The following DAPK1 variants were observed in gnomAD, a reference collection of about 807,000 sequenced individuals.
DAPK1 encodes the protein death associated protein kinase 1, also known as death-associated protein kinase 1.
Under a neutral mutation model 144.9 loss-of-function variants are expected in DAPK1, and 56 were observed. The ratio of observed to expected loss-of-function variants is 0.39; its 90% CI spans 0.31 to 0.48. The LOEUF (loss-of-function observed/expected upper bound fraction) is 0.48, where lower values mean the gene tolerates loss of function less well. DAPK1 is among the 20% of genes least tolerant of loss of function. The pLI, the probability that DAPK1 is intolerant of heterozygous loss-of-function variation, is 0.95. For synonymous variants in DAPK1, 690 were observed against 749.0 expected (o/e 0.92, Z 1.29); for missense variants, 1,454 against 1,875.4 (o/e 0.78, Z 4.15).
intron 20 of DAPK1, among the ~76,000 whole-genome samples, chr9:87,684,497 C>T (rs1474531087): frequency 6.6e-6 from 1 of 152,214 alleles, no homozygotes; most frequent in African/African-American, 2.4e-5. Context: ...TTTCCACTGC[C>T]GTTCTCTTGA....
chr9:87,651,778 T>C (rs947605293), intron 17 of DAPK1, 54 bp downstream of exon 17: 1 of 1,501,624 alleles, frequency 6.7e-7, no homozygotes, highest in African/African-American at 1.4e-5. Flanking sequence ...ATCCACCCGA[T>C]TCTGGGTCCT....
At position 87,646,471 on chromosome 9, in the gene DAPK1, C is replaced by T; in HGVS notation, c.1142C>T (p.Pro381Leu). 1 of 1,613,376 alleles carries T rather than the reference C, an allele frequency of 6.2e-7. No individual in the cohort carries two copies. Reference protein sequence around the residue: ...DVNQPNKHGTPPLLIAAGCGN... With the variant: ...DVNQPNKHGTLPLLIAAGCGN... ...TCTTGCCTATTCTAGCACGGGACAC[C>T]TCCATTACTCATTGCTGCTGGCTGT... is the stretch of plus-strand genomic sequence containing the variant. Residue 381 changes from proline (P) to leucine (L), a missense_variant, in exon 13 of 26, where the codon CCT (proline) becomes CTT (leucine). Physicochemically the swap from Pro to Leu is moderately conservative, Grantham distance 98. Transcript: ENST00000408954.
At chr9:87,588,604 C>T (rs2118868172) in intron 2 of DAPK1, among the ~76,000 whole-genome samples, 1 of 152,324 alleles carries the variant, frequency 6.6e-6, no homozygotes, top group South Asian at 2.1e-4. Context: ...TTTCTCCCAA[C>T]TGTGCATTTC....
intron 3 of DAPK1, among the ~76,000 whole-genome samples, chr9:87,609,173 G>GA (rs1406112023): frequency 6.6e-6 from 1 of 152,190 alleles, no homozygotes; most frequent in Non-Finnish European, 1.5e-5. Flanking sequence ...GACTTAAACT[G>GA]AAGCATCAGC....
intron 3 of DAPK1, chr9:87,632,323 A>G: frequency 1.0e-6 from 1 of 983,654 alleles, no homozygotes; most frequent in Middle Eastern, 5.2e-4. Context: ...ATGAGTATAC[A>G]TGTAGGGACA....
rs556491703 is a variant in DAPK1, at chr9:87,605,057, G to A, written c.166G>A (p.Val56Met). The A allele has an allele frequency of 1.2e-6, 2 of 1,614,232 alleles. No individual in the cohort carries two copies. Among genetic ancestry groups the A allele is most frequent in the South Asian group, 2.2e-5 (2 of 91,088 alleles). The change falls in exon 3 of 26, where the codon GTG becomes ATG. Residue 56 changes from valine (V) to methionine (M), a missense_variant. Transcript: ENST00000408954. ...KRRTKSSRRG[V>M]SREDIEREVS... ...GAGGACTAAGTCCAGCCGGCGGGGT[G>A]TGAGCCGCGAGGACATCGAGCGGGA...
intron 3 of DAPK1, among the ~76,000 whole-genome samples, chr9:87,627,979 C>T (rs1335379932): frequency 7.2e-5 from 11 of 152,184 alleles, no homozygotes; most frequent in Non-Finnish European, 5.9e-5. Flanking sequence ...AACTGTGCCT[C>T]TGAAAGTAAC....
chr9:87,563,889 GC>G (rs1167353308), intron 2 of DAPK1, among the ~76,000 whole-genome samples: 3 of 152,194 alleles, frequency 2.0e-5, no homozygotes, highest in Admixed American at 1.3e-4. Flanking sequence ...GTGTGTTCGT[GC>G]CCAATGGTTG....
chr9:87,498,113 T>C lies in DAPK1; in HGVS notation c.-109+6T>C, dbSNP rs774963358. ...GGGAGCTCCCAGGCGCCCGGGTGAGTAGCCAGGCGCGGCTCCCCGGTCCCC... is the reference window on the plus strand; with the variant it reads ...GGGAGCTCCCAGGCGCCCGGGTGAGCAGCCAGGCGCGGCTCCCCGGTCCCC... On this transcript the variant is annotated splice_donor_region_variant and intron_variant, in intron 1 of 25. Transcript: ENST00000408954. The C allele has an allele frequency of 2.3e-5, 9 of 397,034 alleles. No homozygotes were observed. The highest frequency in any genetic ancestry group is 3.1e-5 in the Non-Finnish European group (7 of 225,476). The allele number at this position is 397,034 out of a possible 1,614,324, so 24.6% of individuals were successfully genotyped here.
At chr9:87,646,386 A>C in intron 12 of DAPK1, 75 bp from the exon 13 acceptor site, 1 of 1,066,124 alleles carries the variant, frequency 9.4e-7, no homozygotes, top group Non-Finnish European at 1.5e-6. Context: ...GGTGTGTGGT[A>C]ACAGCAATCA....
At chr9:87,698,110 G>C (rs954504562) in intron 22 of DAPK1, among the ~76,000 whole-genome samples, 8 of 152,254 alleles carry the variant, frequency 5.3e-5, no homozygotes, top group Non-Finnish European at 5.9e-5. Context: ...ATACTCAGCA[G>C]TCAATTTTTT....
rs1824885701 is a variant in DAPK1, at chr9:87,686,944, C to T, written c.2413+205C>T. Reference sequence around the variant, plus strand: ...AAATTAAACACTGGGGTATTGTCAGCGCCTAGTAAAGCACTTGGCATACAG... The same window carrying T: ...AAATTAAACACTGGGGTATTGTCAGTGCCTAGTAAAGCACTTGGCATACAG... On this transcript the variant is annotated intron_variant, in intron 21 of 25. Transcript: ENST00000408954. This position sits in a 1 kb window ranked among gnomAD's most constrained non-coding sequence, Gnocchi z 4.2. The T allele has an allele frequency of 6.6e-6, 5 of 756,400 alleles. No homozygotes were observed. Among genetic ancestry groups the T allele is most frequent in the African/African-American group, 1.9e-5 (1 of 52,574 alleles). 46.9% of individuals were successfully genotyped at this position (756,400 alleles called of 1,614,324 possible).
At chr9:87,705,333 C>CT (rs1267323831) in intron 25 of DAPK1, among the ~76,000 whole-genome samples, 1 of 151,006 alleles carries the variant, frequency 6.6e-6, no homozygotes, top group African/African-American at 2.4e-5. Context: ...CCTCCGCCTC[C>CT]TGGGTTCAAG....
intron 2 of DAPK1, among the ~76,000 whole-genome samples, chr9:87,530,870 G>T (rs570682714): frequency 6.6e-6 from 1 of 151,814 alleles, no homozygotes; most frequent in African/African-American, 2.4e-5. Flanking sequence ...GTAGTCACTG[G>T]GGCCAGACCA....
Position 87,686,455 on chromosome 9 carries a change from C to T in DAPK1, c.2225-96C>T, listed in dbSNP as rs1049614210. On this transcript the variant is annotated intron_variant, in intron 20 of 25. Coordinates refer to ENST00000408954, the MANE Select transcript of DAPK1 (RefSeq NM_004938.4). The surrounding 1 kb of genome is among the most constrained non-coding windows in gnomAD (Gnocchi z 4.2). ...GCCAGAGTTGGGGTGGGGACAGAGG[C>T]GTGCTCCAGAAAAGGAAACCTCAGG... is the stretch of plus-strand genomic sequence containing the variant. 6 of 688,926 alleles carry T rather than the reference C, an allele frequency of 8.7e-6. No homozygotes were observed. Among genetic ancestry groups the T allele is most frequent in the Admixed American group, 4.3e-5 (2 of 46,914 alleles). The allele number at this position is 688,926 out of a possible 1,614,324, so 42.7% of individuals were successfully genotyped here.
At chr9:87,586,605 C>T (rs1827949160) in intron 2 of DAPK1, among the ~76,000 whole-genome samples, 1 of 151,560 alleles carries the variant, frequency 6.6e-6, no homozygotes, top group South Asian at 2.1e-4. Flanking sequence ...ATCAAGTCAA[C>T]TTTAAGATAA....
At position 87,570,508 on chromosome 9, in the gene DAPK1, T is replaced by C. The variant is rs36203584; in HGVS notation, c.63-34446T>C. Among the ~76,000 whole-genome samples the C allele has an allele frequency of 2.9e-3, 445 of 152,332 alleles. 4 individuals carry two copies. The highest frequency in any genetic ancestry group is 0.01 in the African/African-American group (425 of 41,558). ...CAGGTTGGGACAGGAGCTTTCCCAT[T>C]CTTTTCATTATTTTGTATGTAAAAA... On this transcript the variant is annotated intron_variant, in intron 2 of 25. Coordinates refer to ENST00000408954, the MANE Select transcript of DAPK1 (RefSeq NM_004938.4).
intron 2 of DAPK1, among the ~76,000 whole-genome samples, chr9:87,582,516 G>T (rs1214391481): frequency 6.6e-6 from 1 of 150,412 alleles, no homozygotes; most frequent in East Asian, 1.9e-4. Flanking sequence ...TGGCCATGAA[G>T]TGTTTCTCCT....
chr9:87,600,742 CATTGA>C (rs2118934652), intron 2 of DAPK1, among the ~76,000 whole-genome samples: 1 of 152,300 alleles, frequency 6.6e-6, no homozygotes, highest in Non-Finnish European at 1.5e-5. Flanking sequence ...TTCCCCCATC[CATTGA>C]ACAGCCCCAG....
Sources: gnomAD v4.1 joint callset for allele counts (sites outside exome capture counted in the v4.1 genomes callset) on GRCh38, gnomAD v4.1.1 for gene constraint, Gnocchi (gnomAD v3.1) non-coding constraint, MANE v1.5 for transcripts, NCBI Gene and HGNC (gene_info 2026-07-23, HGNC 2026-07-21) for gene names.